Variants in ANK1 observed in about 807,000 individuals in gnomAD.
ANK1 encodes ankyrin 1, also known as ankyrin-1.
ANK1 carries 51 observed loss-of-function variants against 210.4 expected under a neutral mutation model. The observed-to-expected ratio is 0.24, with a 90% CI of 0.19 to 0.31. The LOEUF (loss-of-function observed/expected upper bound fraction) is 0.31. Among genes scored for constraint, ANK1 ranks in the 10% least tolerant of loss-of-function variants. ANK1 has a pLI of 1.00. For synonymous variants in ANK1, 967 were observed against 1,025.9 expected, an observed-to-expected ratio of 0.94 and a Z score of 1.10; for missense variants, 2,051 against 2,504.4, an observed-to-expected ratio of 0.82 and a Z score of 3.86.
At position 41,669,902 on chromosome 8, in the gene ANK1, C is replaced by T. The variant is rs72638969; in HGVS notation, c.5097-1338G>A. On this transcript the variant is annotated intron_variant, in intron 38 of 42. Transcript: ENST00000289734. ...TGGGCTTGGTTACTCTGTTAGGGCA[C>T]GTGCCAGGCACGGTCTCCTTCAAAG... Among the ~76,000 whole-genome samples the T allele has an allele frequency of 9.8e-3, 1,486 of 152,174 alleles. 13 individuals are homozygous for T. The highest frequency in any genetic ancestry group is 0.011 in the Non-Finnish European group (751 of 68,016).
upstream of ANK1, among the ~76,000 whole-genome samples, chr8:41,800,696 C>G (rs965457420): frequency 6.6e-6 from 1 of 152,100 alleles, no homozygotes; most frequent in Non-Finnish European, 1.5e-5. Context: ...TTGTTTCTCT[C>G]TATAGTTTTT....
rs1563455666 is a variant in ANK1 at position 41,695,171 on chromosome 8, C to T, written c.3115+6G>A. On this transcript the variant is annotated splice_donor_region_variant and intron_variant, in intron 27 of 42. Transcript: ENST00000289734. ...GGGACCCAGCCCTGGGATCCCCCGC[C>T]CCTACCTTCGTCCATCCCGTTGAGG... is the stretch of plus-strand genomic sequence containing the variant. The T allele has an allele frequency of 6.2e-7, 1 of 1,614,150 alleles. No homozygotes were observed. Among genetic ancestry groups the T allele is most frequent in the East Asian group, 2.2e-5 (1 of 44,868 alleles).
intron 1 of ANK1, among the ~76,000 whole-genome samples, chr8:41,827,978 C>T (rs957142643): frequency 1.3e-5 from 2 of 149,248 alleles, no homozygotes; most frequent in Non-Finnish European, 1.5e-5. Flanking sequence ...CGCCCCCCAA[C>T]CCCCGACACA....
At chr8:41,793,733 G>A (rs1328996640) in intron 1 of ANK1, among the ~76,000 whole-genome samples, 1 of 152,168 alleles carries the variant, frequency 6.6e-6, no homozygotes, top group Non-Finnish European at 1.5e-5. Context: ...GTCCCAAGAA[G>A]ACCATGAAGG....
Position 41,727,959 on chromosome 8 carries a change from C to T in ANK1, c.276G>A (p.Glu92=), listed in dbSNP as rs367970006. Reference sequence around the variant, plus strand: ...CATAGTTGACAAGCTCCCGGACCACCTCATCCTGCCCGGCTAGAGCAGCGA... The same window carrying T: ...CATAGTTGACAAGCTCCCGGACCACTTCATCCTGCCCGGCTAGAGCAGCGA... The part of the protein sequence containing the change: ...LHIAALAGQD[E]VVRELVNYGA... The change falls in exon 4 of 43, where the codon GAG becomes GAA. Residue 92 remains glutamate (E), a synonymous_variant. Coordinates refer to ENST00000289734, the MANE Select transcript of ANK1 (RefSeq NM_000037.4). The T allele has an allele frequency of 6.2e-7, 1 of 1,614,190 alleles. No homozygotes were observed. Among genetic ancestry groups the T allele is most frequent in the South Asian group, 1.1e-5 (1 of 91,090 alleles).
chr8:41,889,170 C>A (rs137904849), intron 1 of ANK1, among the ~76,000 whole-genome samples: 5 of 152,334 alleles, frequency 3.3e-5, no homozygotes, highest in Admixed American at 3.3e-4. Flanking sequence ...AGCTTTGACT[C>A]TTCTCTCAGT....
chr8:41,816,141 G>C (rs1803288084), intron 1 of ANK1, among the ~76,000 whole-genome samples: 1 of 152,128 alleles, frequency 6.6e-6, no homozygotes, highest in Non-Finnish European at 1.5e-5. Context: ...AATTAAATAA[G>C]ACATTAGATA....
intron 14 of ANK1, 23 bp downstream of exon 14, chr8:41,715,629 G>T: frequency 6.2e-7 from 1 of 1,611,910 alleles, no homozygotes; most frequent in South Asian, 1.1e-5. Context: ...TGCTTCCTTA[G>T]ACCACGAGGC....
At chr8:41,805,097 GTGTT>G (rs1164774830) in intron 1 of ANK1, among the ~76,000 whole-genome samples, 3 of 151,722 alleles carry the variant, frequency 2.0e-5, no homozygotes, top group Admixed American at 6.6e-5. Context: ...GTGTGTGTGT[GTGTT>G]TCTCTCTCTC....
At chr8:41,763,561 G>A (rs543223820) in intron 1 of ANK1, among the ~76,000 whole-genome samples, 6 of 152,258 alleles carry the variant, frequency 3.9e-5, no homozygotes, top group Admixed American at 3.3e-4. Flanking sequence ...CCCCAAGGGC[G>A]TTCTTGGCCA....
chr8:41,716,792 C>G (rs757102349), intron 13 of ANK1, among the ~76,000 whole-genome samples, 161 bp downstream of exon 13: 2 of 152,184 alleles, frequency 1.3e-5, no homozygotes, highest in Non-Finnish European at 2.9e-5. Flanking sequence ...TCTCAAACCC[C>G]CTGCAAAGCA....
chr8:41,884,960 G>T lies in ANK1; in HGVS notation c.126+11395C>A, dbSNP rs533722456. Among the ~76,000 whole-genome samples the T allele has an allele frequency of 3.8e-3, 576 of 152,244 alleles. 4 individuals carry two copies. The highest frequency in any genetic ancestry group is 0.013 in the African/African-American group (552 of 41,520). Reference sequence around the variant, plus strand: ...AGGAGCACGGGGAGGCTTGGGGAGGGGTGAGGCACAGTGGTCGGGGAAGGG... The same window carrying T: ...AGGAGCACGGGGAGGCTTGGGGAGGTGTGAGGCACAGTGGTCGGGGAAGGG... On this transcript the variant is annotated intron_variant, in intron 1 of 42. Transcript: ENST00000265709.
chr8:41,846,756 G>A (rs1414922602), intron 1 of ANK1, among the ~76,000 whole-genome samples: 1 of 152,174 alleles, frequency 6.6e-6, no homozygotes, highest in Non-Finnish European at 1.5e-5. Flanking sequence ...CACAGCTGGA[G>A]GATACCCTAC....
chr8:41,708,645 T>C lies in ANK1; in HGVS notation c.1998+133A>G, dbSNP rs539430710. The C allele has an allele frequency of 3.0e-4, 294 of 990,002 alleles. 2 individuals are homozygous for C. In the African/African-American group the frequency reaches 4.1e-3, roughly 14 times the overall value. 61.3% of individuals were successfully genotyped at this position (990,002 alleles called of 1,614,324 possible). ...TCATTTATAAAATGAAGGTGAAATGTACGCAGGGCTGTTCCAAGGATTACA... is the reference window on the plus strand; with the variant it reads ...TCATTTATAAAATGAAGGTGAAATGCACGCAGGGCTGTTCCAAGGATTACA... On this transcript the variant is annotated intron_variant, in intron 17 of 42. Transcript: ENST00000289734.
At chr8:41,874,552 G>T (rs373642660) in intron 1 of ANK1, among the ~76,000 whole-genome samples, 14 of 152,308 alleles carry the variant, frequency 9.2e-5, no homozygotes, top group African/African-American at 3.4e-4. Flanking sequence ...TTCAGAGTGT[G>T]TCGGAGAGCA....
intron 3 of ANK1, among the ~76,000 whole-genome samples, chr8:41,733,630 A>G (rs1832742485): frequency 6.6e-6 from 1 of 152,186 alleles, no homozygotes; most frequent in South Asian, 2.1e-4. Context: ...CAGAGCGTGA[A>G]GTATGTCTGC....
At chr8:41,680,650 T>A (rs989167596) in intron 37 of ANK1, among the ~76,000 whole-genome samples, 2 of 150,512 alleles carry the variant, frequency 1.3e-5, no homozygotes, top group African/African-American at 4.9e-5. Flanking sequence ...ACTCTGGGAG[T>A]CCTTCCCTGG....
intron 1 of ANK1, among the ~76,000 whole-genome samples, chr8:41,859,907 CA>C (rs1244855844): frequency 6.6e-6 from 1 of 152,234 alleles, no homozygotes; most frequent in African/African-American, 2.4e-5. Flanking sequence ...GATGTGTCTA[CA>C]GTCCAGATTC....
At chr8:41,739,310 T>C (rs937734886) in intron 2 of ANK1, among the ~76,000 whole-genome samples, 4 of 152,230 alleles carry the variant, frequency 2.6e-5, no homozygotes, top group African/African-American at 7.2e-5. Flanking sequence ...CAGCATTTCA[T>C]TGAACTTTTT....
Sources: gnomAD v4.1 joint callset for allele counts (sites outside exome capture counted in the v4.1 genomes callset) on GRCh38, gnomAD v4.1.1 for gene constraint, MANE v1.5 for transcripts, NCBI Gene and HGNC (gene_info 2026-07-23, HGNC 2026-07-21) for gene names.